The following KCNQ1 variants were observed in gnomAD, a reference collection of about 807,000 sequenced individuals.
The protein encoded by KCNQ1 is potassium voltage-gated channel subfamily KQT member 1.
In KCNQ1, 49 loss-of-function variants were observed where a neutral mutation model predicts 72.4. That is an observed-to-expected ratio of 0.68 (90% CI 0.54 to 0.86). The LOEUF (loss-of-function observed/expected upper bound fraction) is 0.86. Among genes scored for constraint, KCNQ1 ranks in the 40% least tolerant of loss-of-function variants. The probability of loss-of-function intolerance (pLI) is 0.00; values close to 1 mark genes in which losing one functional copy is unlikely to be tolerated. For missense variants in KCNQ1, 790 were observed against 945.1 expected (o/e 0.84, Z 2.15); for synonymous variants, 450 against 412.6 (o/e 1.09, Z -1.10).
In KCNQ1 at chr11:2,799,225, A is replaced by T. The variant is rs163172; in HGVS notation, c.1794+21188A>T. On this transcript the variant is annotated intron_variant, in intron 15 of 15. Transcript: ENST00000155840. The stretch of plus-strand genomic sequence containing the variant: ...AGGAGAGAAACTCTCAGAGGCAGGC[A>T]GGGGCCGGACCACGGGGGCGGTGGT... 3.9e-5 allele frequency among the ~76,000 whole-genome samples: 6 copies of T among 152,304 alleles called. No homozygotes were observed. The South Asian group carries it at 6.2e-4, about 16-fold the overall frequency.
rs1850248997 is a variant in KCNQ1, at chr11:2,674,367, G to A, written c.1514+12286G>A. 2 of 398,308 alleles carry A rather than the reference G, an allele frequency of 5.0e-6. No homozygotes were observed. Among genetic ancestry groups the A allele is most frequent in the Middle Eastern group, 6.2e-4 (1 of 1,610 alleles). The allele number at this position is 398,308 out of a possible 1,614,324, so 24.7% of individuals were successfully genotyped here. On this transcript the variant is annotated intron_variant, in intron 11 of 15. Transcript: ENST00000155840. The surrounding 1 kb of genome is among the most constrained non-coding windows in gnomAD (Gnocchi z 5.9). ...TTCCATTCGCTCTTGGCAAAGAGCA[G>A]CTTCCTGCTTAGGGAAGGTGCATGC...
In KCNQ1 at chr11:2,645,971, C is replaced by T; in HGVS notation, c.1394-15990C>T. 1 of 398,624 alleles carries T rather than the reference C, an allele frequency of 2.5e-6. No homozygotes were observed. Among genetic ancestry groups the T allele is most frequent in the Non-Finnish European group, 4.4e-6 (1 of 226,094 alleles). 24.7% of individuals were successfully genotyped at this position (398,624 alleles called of 1,614,324 possible). ...ATCTATGGGTCAGGGGGTTCTCTGA[C>T]TAGGATTTCAGGAGTCTGCTGTGGG... On this transcript the variant is annotated intron_variant, in intron 10 of 15. Coordinates refer to ENST00000155840, the MANE Select transcript of KCNQ1 (RefSeq NM_000218.3). This position sits in a 1 kb window ranked among gnomAD's most constrained non-coding sequence, Gnocchi z 5.8.
At position 2,543,759 on chromosome 11, in the gene KCNQ1, T is replaced by G. The variant is rs2133681750; in HGVS notation, c.477+15741T>G. Among the ~76,000 whole-genome samples the G allele has an allele frequency of 6.6e-6, 1 of 152,340 alleles. No homozygotes were observed. Among genetic ancestry groups the G allele is most frequent in the Non-Finnish European group, 1.5e-5 (1 of 68,034 alleles). On this transcript the variant is annotated intron_variant, in intron 2 of 15. Coordinates refer to ENST00000155840, the MANE Select transcript of KCNQ1 (RefSeq NM_000218.3). This position sits in a 1 kb window ranked among gnomAD's most constrained non-coding sequence, Gnocchi z 5.6. ...TTACCTTTAGGCCTAGGATGCATTT[T>G]GAGTTAATTTTTCTCTATCATGTAA...
intron 15 of KCNQ1, among the ~76,000 whole-genome samples, chr11:2,799,478 G>A (rs1847214568): frequency 6.6e-6 from 1 of 151,902 alleles, no homozygotes; most frequent in Non-Finnish European, 1.5e-5. Flanking sequence ...TTGTATGTGA[G>A]GGCAGTGTGT....
chr11:2,506,000 T>G (rs1359480182), intron 1 of KCNQ1, among the ~76,000 whole-genome samples: 1 of 152,204 alleles, frequency 6.6e-6, no homozygotes, highest in Non-Finnish European at 1.5e-5. Context: ...TCCACGTGCT[T>G]AGCCCCTGTG....
At chr11:2,460,355 G>C (rs1210242231) in intron 1 of KCNQ1, among the ~76,000 whole-genome samples, 1 of 152,222 alleles carries the variant, frequency 6.6e-6, no homozygotes, top group Non-Finnish European at 1.5e-5. Context: ...TGTGGCTGGT[G>C]GAGGGCAGCA....
At position 2,588,799 on chromosome 11, in the gene KCNQ1, C is replaced by G. The variant is rs199472780; in HGVS notation, c.1338C>G (p.Asp446Glu). 20 of 1,613,166 alleles carry G rather than the reference C, an allele frequency of 1.2e-5. 1 individual carries two copies. In the Admixed American group the frequency reaches 3.2e-4, roughly 26 times the overall value. ...TCACAGTCCCCCATATCACGTGCGA[C>G]CCCCCAGAAGAGCGGCGGCTGGACC... ...KMLTVPHITC[D>E]PPEERRLDHF... Residue 446 changes from aspartate (D) to glutamate (E), a missense_variant, in exon 10 of 16, where the codon GAC becomes GAG. By Grantham distance (45) the Asp-to-Glu change is conservative (BLOSUM62 2). Coordinates refer to ENST00000155840, the MANE Select transcript of KCNQ1 (RefSeq NM_000218.3). The surrounding 1 kb of genome is among the most constrained non-coding windows in gnomAD (Gnocchi z 5.6).
Position 2,668,361 on chromosome 11 carries a change from A to G in KCNQ1, c.1514+6280A>G. 1 of 398,410 alleles carries G rather than the reference A, an allele frequency of 2.5e-6. No homozygotes were observed. The highest frequency in any genetic ancestry group is 4.4e-6 in the Non-Finnish European group (1 of 226,044). The allele number at this position is 398,410 out of a possible 1,614,324, so 24.7% of individuals were successfully genotyped here. On this transcript the variant is annotated intron_variant, in intron 11 of 15. Coordinates refer to ENST00000155840, the MANE Select transcript of KCNQ1 (RefSeq NM_000218.3). This position sits in a 1 kb window ranked among gnomAD's most constrained non-coding sequence, Gnocchi z 4.3. The stretch of plus-strand genomic sequence containing the variant: ...CAGGGTCCTGGGTGGGCATATGTTT[A>G]CTCTTAGTGAATACTACCCAGCAGT...
Position 2,495,021 on chromosome 11 carries a change from G to C in KCNQ1, c.387-32907G>C, listed in dbSNP as rs765414573. Among the ~76,000 whole-genome samples, 1 of 152,096 alleles carries C rather than the reference G, an allele frequency of 6.6e-6. No individual in the cohort carries two copies. The highest frequency in any genetic ancestry group is 1.5e-5 in the Non-Finnish European group (1 of 68,024). On this transcript the variant is annotated intron_variant, in intron 1 of 15. Transcript: ENST00000155840. The surrounding 1 kb of genome is among the most constrained non-coding windows in gnomAD (Gnocchi z 4.6). ...AATTACTGCCTCAATTTCAGAACTTGTTGTTGGTCTATTCAGGGATTCGAC... is the reference window on the plus strand; with the variant it reads ...AATTACTGCCTCAATTTCAGAACTTCTTGTTGGTCTATTCAGGGATTCGAC...
Position 2,782,700 on chromosome 11 carries a change from A to T in KCNQ1, c.1794+4663A>T, listed in dbSNP as rs188481431. Among the ~76,000 whole-genome samples, 4 of 152,226 alleles carry T rather than the reference A, an allele frequency of 2.6e-5. No individual in the cohort carries two copies. The highest frequency in any genetic ancestry group is 4.1e-4 in the South Asian group (2 of 4,820). On this transcript the variant is annotated intron_variant, in intron 15 of 15. Transcript: ENST00000155840. This position sits in a 1 kb window ranked among gnomAD's most constrained non-coding sequence, Gnocchi z 6.1. ...AGTTATATATTCTAGGAATTTATAC[A>T]TTTCATTTTAGTTTCCATGTTCATT...
intron 10 of KCNQ1, chr11:2,631,214 G>A (rs1471217015): frequency 2.5e-6 from 1 of 398,440 alleles, no homozygotes; most frequent in Admixed American, 4.4e-5. Flanking sequence ...TATAAATCCT[G>A]TGTGAACATT....
At chr11:2,650,422 G>C (rs570610866) in intron 10 of KCNQ1, 1 of 398,538 alleles carries the variant, frequency 2.5e-6, no homozygotes, top group Non-Finnish European at 4.4e-6. Flanking sequence ...GACTTTTCCT[G>C]TACACGCGTC....
At chr11:2,774,571 G>A (rs2133987620) in intron 12 of KCNQ1, among the ~76,000 whole-genome samples, 1 of 152,350 alleles carries the variant, frequency 6.6e-6, no homozygotes, top group East Asian at 1.9e-4. Flanking sequence ...TCTCTGCCCT[G>A]TCTTGGGATT....
At chr11:2,461,722 C>A (rs1564787539) in intron 1 of KCNQ1, 2 of 1,366,670 alleles carry the variant, frequency 1.5e-6, no homozygotes, top group Non-Finnish European at 2.0e-6. Flanking sequence ...GGAGTAGGTA[C>A]CCCGGGGGTG....
chr11:2,551,550 C>T (rs1847983857), intron 2 of KCNQ1, among the ~76,000 whole-genome samples: 2 of 152,246 alleles, frequency 1.3e-5, no homozygotes, highest in African/African-American at 2.4e-5. Context: ...ATGATTAAAG[C>T]TGCCATGAAT....
chr11:2,597,771 T>C (rs1848752450), intron 10 of KCNQ1, among the ~76,000 whole-genome samples: 1 of 152,260 alleles, frequency 6.6e-6, no homozygotes, highest in African/African-American at 2.4e-5. Context: ...TAGTCTGTTT[T>C]ATGATATGTT....
In KCNQ1 at chr11:2,462,735, C is replaced by G. The variant is rs528693882; in HGVS notation, c.386+17251C>G. Among the ~76,000 whole-genome samples the G allele has an allele frequency of 6.6e-6, 1 of 152,024 alleles. No homozygotes were observed. The highest frequency in any genetic ancestry group is 6.5e-5 in the Admixed American group (1 of 15,272). On this transcript the variant is annotated intron_variant, in intron 1 of 15. Coordinates refer to ENST00000155840, the MANE Select transcript of KCNQ1 (RefSeq NM_000218.3). This position sits in a 1 kb window ranked among gnomAD's most constrained non-coding sequence, Gnocchi z 8.2. Reference sequence around the variant, plus strand: ...GCGGTGGAGTGAAGGGGAGGGTGGGCGCTGCTGGCAAGAACCACAGGCAAA... The same window carrying G: ...GCGGTGGAGTGAAGGGGAGGGTGGGGGCTGCTGGCAAGAACCACAGGCAAA...
At chr11:2,521,177 C>G (rs1847375960) in intron 1 of KCNQ1, among the ~76,000 whole-genome samples, 1 of 152,128 alleles carries the variant, frequency 6.6e-6, no homozygotes, top group Non-Finnish European at 1.5e-5. Flanking sequence ...CACCCCAAAA[C>G]TTCTCTCCCA....
rs1850151745 is a variant in KCNQ1 at position 2,670,006 on chromosome 11, G to A, written c.1514+7925G>A. On this transcript the variant is annotated intron_variant, in intron 11 of 15. Transcript: ENST00000155840. This position sits in a 1 kb window ranked among gnomAD's most constrained non-coding sequence, Gnocchi z 4.9. ...TCAAATCTCGGAATGGGGTTCAGGA[G>A]CTGTTGGGGTCCCGTGGAGGTACAG... The A allele has an allele frequency of 2.5e-6, 1 of 398,734 alleles. No homozygotes were observed. Among genetic ancestry groups the A allele is most frequent in the Non-Finnish European group, 4.4e-6 (1 of 226,154 alleles). 24.7% of individuals were successfully genotyped at this position (398,734 alleles called of 1,614,324 possible). A position where few individuals can be genotyped will look rare whatever the true frequency, so the allele number is the denominator to read the frequency against.
Sources: gnomAD v4.1 joint callset for allele counts (sites outside exome capture counted in the v4.1 genomes callset) on GRCh38, gnomAD v4.1.1 for gene constraint, Gnocchi (gnomAD v3.1) non-coding constraint, MANE v1.5 for transcripts, NCBI Gene and HGNC (gene_info 2026-07-23, HGNC 2026-07-21) for gene names.